ANKRD30B: variants seen among roughly 807,000 people sequenced by gnomAD.
The protein encoded by ANKRD30B is ankyrin repeat domain-containing protein 30B.
In ANKRD30B, 144 loss-of-function variants were observed where a neutral mutation model predicts 202.2. The ratio of observed to expected loss-of-function variants is 0.71; its 90% CI spans 0.62 to 0.82. The LOEUF is 0.82. ANKRD30B is among the 40% of genes least tolerant of loss of function. ANKRD30B has a pLI of 0.00. For missense variants in ANKRD30B, 1,487 were observed against 1,669.1 expected (o/e 0.89, Z 1.90); for synonymous variants, 508 against 561.3 (o/e 0.91, Z 1.34).
chr18:14,865,985 C>T, the ANKRD30B span, among the ~76,000 whole-genome samples: 60 of 151,486 alleles, frequency 4.0e-4, no homozygotes, highest in Middle Eastern at 3.4e-3. Context: ...AGAGAAAGCC[C>T]GGAGGCCTAC....
chr18:14,912,943 T>A, the ANKRD30B span, among the ~76,000 whole-genome samples: 2 of 152,232 alleles, frequency 1.3e-5, no homozygotes, highest in African/African-American at 4.8e-5. Flanking sequence ...TACTGGTTTG[T>A]TTTTATTTTC....
At chr18:14,788,041 A>G (rs1968200697) in intron 15 of ANKRD30B, among the ~76,000 whole-genome samples, 1 of 152,224 alleles carries the variant, frequency 6.6e-6, no homozygotes, top group African/African-American at 2.4e-5. Flanking sequence ...TACCGAAATA[A>G]AGCAGCTTTT....
At chr18:14,815,849 A>G (rs1040569621) in intron 30 of ANKRD30B, among the ~76,000 whole-genome samples, 2 of 152,194 alleles carry the variant, frequency 1.3e-5, no homozygotes, top group African/African-American at 4.8e-5. Context: ...CCATGAGTGG[A>G]TCAAGGAATA....
At chr18:14,866,414 G>A in the ANKRD30B span, among the ~76,000 whole-genome samples, 1 of 152,272 alleles carries the variant, frequency 6.6e-6, no homozygotes, top group African/African-American at 2.4e-5. Flanking sequence ...GTGGTAGGCG[G>A]GAGGCTGGAG....
At chr18:14,753,857 T>C (rs1322438816) in intron 3 of ANKRD30B, among the ~76,000 whole-genome samples, 2 of 152,150 alleles carry the variant, frequency 1.3e-5, no homozygotes, top group African/African-American at 4.8e-5. Context: ...GCTTCTGTTA[T>C]GCTAATCCAC....
chr18:14,859,834 T>C, the ANKRD30B span, among the ~76,000 whole-genome samples: 113 of 28,656 alleles, frequency 3.9e-3, no homozygotes, highest in African/African-American at 4.3e-3. Context: ...AGAGGCGCTC[T>C]TCACTTCCCA....
chr18:14,827,929 T>G (rs896209286), intron 32 of ANKRD30B, among the ~76,000 whole-genome samples: 83 of 152,210 alleles, frequency 5.5e-4, no homozygotes, highest in African/African-American at 1.9e-3. Flanking sequence ...TTCCTACCAA[T>G]AGTATACTTA....
intron 39 of ANKRD30B, among the ~76,000 whole-genome samples, chr18:14,846,542 G>A (rs866966337): frequency 2.0e-5 from 3 of 151,580 alleles, no homozygotes; most frequent in African/African-American, 7.3e-5. Context: ...ACTATACTTA[G>A]GCATTTGTCC....
chr18:14,763,875 G>A lies in ANKRD30B; in HGVS notation c.1010G>A (p.Arg337Lys). Residue 337 changes from arginine to lysine, a missense_variant, in exon 7 of 44, where the codon AGG becomes AAG. Transcript: ENST00000690538. ...GAACAGTCAACAGAAGAAACACCTA[G>A]GAAAATTTTGAGGCCTACAAAAGAA... The part of the protein sequence containing the change: ...KFEQSTEETP[R>K]KILRPTKETS... 6.2e-7 allele frequency: 1 copy of A among 1,612,646 alleles called. No homozygotes were observed. The highest frequency in any genetic ancestry group is 8.5e-7 in the Non-Finnish European group (1 of 1,179,268).
the ANKRD30B span, among the ~76,000 whole-genome samples, chr18:14,895,685 G>A: frequency 6.6e-6 from 1 of 152,162 alleles, no homozygotes; most frequent in Non-Finnish European, 1.5e-5. Flanking sequence ...ATATTATTTA[G>A]CAATAAAAAG....
the ANKRD30B span, among the ~76,000 whole-genome samples, chr18:14,867,452 A>G: frequency 5.3e-5 from 8 of 151,964 alleles, no homozygotes; most frequent in African/African-American, 1.7e-4. Flanking sequence ...TAGAGGGTGA[A>G]CAACTTCTGC....
intron 7 of ANKRD30B, among the ~76,000 whole-genome samples, chr18:14,767,158 G>T (rs1916364197): frequency 6.6e-6 from 1 of 152,162 alleles, no homozygotes; most frequent in Admixed American, 6.6e-5. Context: ...GTGAGGAAAA[G>T]TGTTGTCTTT....
At chr18:14,860,904 T>C in the ANKRD30B span, among the ~76,000 whole-genome samples, 1 of 152,108 alleles carries the variant, frequency 6.6e-6, no homozygotes, top group Non-Finnish European at 1.5e-5. Flanking sequence ...TTTCTTCATG[T>C]TGGCCAGGCT....
At chr18:14,919,536 C>T in the ANKRD30B span, among the ~76,000 whole-genome samples, 2 of 152,262 alleles carry the variant, frequency 1.3e-5, no homozygotes, top group African/African-American at 4.8e-5. Context: ...GTCCAGGGCT[C>T]CAGCATGTAG....
At chr18:14,751,321 C>G (rs1363791034) in intron 1 of ANKRD30B, among the ~76,000 whole-genome samples, 1 of 151,952 alleles carries the variant, frequency 6.6e-6, no homozygotes, top group Non-Finnish European at 1.5e-5. Context: ...TTCTTTTAAT[C>G]CATTTATCAC....
intron 5 of ANKRD30B, among the ~76,000 whole-genome samples, chr18:14,758,592 G>A (rs905318895): frequency 2.0e-5 from 3 of 152,102 alleles, no homozygotes; most frequent in African/African-American, 7.2e-5. Context: ...TGTTTCCAAA[G>A]TACCAGCACC....
At chr18:14,933,766 C>T in the ANKRD30B span, among the ~76,000 whole-genome samples, 980 of 152,108 alleles carry the variant, frequency 6.4e-3, 17 homozygotes, top group African/African-American at 0.023. Flanking sequence ...GAGGTGAACT[C>T]GGAGGGAAGG....
At chr18:14,860,724 A>T in the ANKRD30B span, among the ~76,000 whole-genome samples, 46 of 150,652 alleles carry the variant, frequency 3.1e-4, no homozygotes, top group Admixed American at 2.2e-3. Context: ...TTTTTTTTGG[A>T]GACAGAGTCT....
the ANKRD30B span, among the ~76,000 whole-genome samples, chr18:14,867,375 G>C: frequency 6.6e-6 from 1 of 151,558 alleles, no homozygotes; most frequent in Non-Finnish European, 1.5e-5. Flanking sequence ...AGCAGGTTGT[G>C]GAGGTGGCCA....
Sources: gnomAD v4.1 joint callset for allele counts (sites outside exome capture counted in the v4.1 genomes callset) on GRCh38, gnomAD v4.1.1 for gene constraint, MANE v1.5 for transcripts, NCBI Gene and HGNC (gene_info 2026-07-23, HGNC 2026-07-21) for gene names.